Variants in DLGAP4 observed in about 807,000 individuals in gnomAD.
The protein encoded by DLGAP4 is disks large-associated protein 4.
A neutral mutation model predicts 86.9 loss-of-function variants in DLGAP4; 18 were observed. The observed-to-expected ratio is 0.21, with a 90% confidence interval of 0.14 to 0.31. The LOEUF (loss-of-function observed/expected upper bound fraction) is 0.31. DLGAP4 is among the 10% of genes least tolerant of loss of function. The pLI is 1.00. For synonymous variants in DLGAP4, 548 were observed against 574.3 expected, an observed-to-expected ratio of 0.95 and a Z score of 0.65; for missense variants, 1,085 against 1,362.6, an observed-to-expected ratio of 0.80 and a Z score of 3.21.
At chr20:36,476,473 A>G (rs972259156) in intron 7 of DLGAP4, among the ~76,000 whole-genome samples, 4 of 149,634 alleles carry the variant, frequency 2.7e-5, no homozygotes, top group Non-Finnish European at 4.4e-5. Flanking sequence ...GCTTACAGGC[A>G]TCTGCCACCA....
At chr20:36,455,220 TC>T (rs1476816399) in intron 7 of DLGAP4, among the ~76,000 whole-genome samples, 3 of 149,492 alleles carry the variant, frequency 2.0e-5, no homozygotes, top group Admixed American at 2.0e-4. Flanking sequence ...TCCCTCTTTC[TC>T]CCCCCACCAT....
intron 1 of DLGAP4, among the ~76,000 whole-genome samples, chr20:36,358,711 G>A (rs1300601677): frequency 6.6e-6 from 1 of 152,182 alleles, no homozygotes; most frequent in Non-Finnish European, 1.5e-5. Context: ...GGGAGGCTGA[G>A]GCAGGAGAAT....
intron 2 of DLGAP4, among the ~76,000 whole-genome samples, chr20:36,383,983 CAAA>C (rs970619133): frequency 9.2e-5 from 6 of 64,992 alleles, no homozygotes; most frequent in Non-Finnish European, 1.5e-4. Context: ...GACTCCGTCT[CAAA>C]AAAAAAAAAA....
chr20:36,340,176 T>C (rs1569462612), intron 1 of DLGAP4, among the ~76,000 whole-genome samples: 1 of 152,014 alleles, frequency 6.6e-6, no homozygotes, highest in East Asian at 1.9e-4. Flanking sequence ...CAAGTATGAG[T>C]GCGGTAGGAG....
chr20:36,505,402 G>C (rs980508921), intron 10 of DLGAP4, among the ~76,000 whole-genome samples: 3 of 152,078 alleles, frequency 2.0e-5, no homozygotes, highest in African/African-American at 4.8e-5. Flanking sequence ...ATAAACAGTT[G>C]AGGCACTGAG....
At chr20:36,487,793 C>T (rs917585814) in intron 7 of DLGAP4, among the ~76,000 whole-genome samples, 1 of 152,196 alleles carries the variant, frequency 6.6e-6, no homozygotes, top group Non-Finnish European at 1.5e-5. Context: ...ACAAAATTGG[C>T]ATGGGCCCAC....
chr20:36,368,134 G>A (rs767187779), intron 2 of DLGAP4, among the ~76,000 whole-genome samples: 1 of 152,218 alleles, frequency 6.6e-6, no homozygotes, highest in Non-Finnish European at 1.5e-5. Context: ...GTAAATAGCT[G>A]TGGAAGGAAG....
chr20:36,348,345 A>G (rs2030013291), intron 1 of DLGAP4, among the ~76,000 whole-genome samples: 1 of 152,208 alleles, frequency 6.6e-6, no homozygotes, highest in African/African-American at 2.4e-5. Flanking sequence ...ACTCTGAGCT[A>G]TGGCCACCTT....
chr20:36,318,145 C>T (rs1162698204), intron 1 of DLGAP4, among the ~76,000 whole-genome samples: 9 of 148,874 alleles, frequency 6.0e-5, no homozygotes, highest in African/African-American at 2.2e-4. Context: ...CACACACACA[C>T]ACACACACAC....
chr20:36,507,296 C>G (rs926212602), intron 10 of DLGAP4, among the ~76,000 whole-genome samples: 2 of 151,826 alleles, frequency 1.3e-5, no homozygotes, highest in Non-Finnish European at 2.9e-5. Context: ...GGTACAATTT[C>G]GGCTCACCAC....
intron 2 of DLGAP4, among the ~76,000 whole-genome samples, chr20:36,388,528 C>T (rs576204565): frequency 3.5e-4 from 54 of 152,276 alleles, no homozygotes; most frequent in Non-Finnish European, 5.4e-4. Flanking sequence ...TCAATAACCC[C>T]GGTTCCCTCT....
At chr20:36,338,436 G>C (rs2065344192) in intron 1 of DLGAP4, among the ~76,000 whole-genome samples, 1 of 152,334 alleles carries the variant, frequency 6.6e-6, no homozygotes, top group African/African-American at 2.4e-5. Context: ...GCCAGGTGTG[G>C]TGGCGCATGC....
At chr20:36,356,039 C>G (rs1227002289) in intron 1 of DLGAP4, among the ~76,000 whole-genome samples, 1 of 152,230 alleles carries the variant, frequency 6.6e-6, no homozygotes, top group African/African-American at 2.4e-5. Flanking sequence ...CCAGTCCAAT[C>G]AGAGTGACTC....
chr20:36,330,990 C>T (rs1251849550), intron 1 of DLGAP4, among the ~76,000 whole-genome samples: 3 of 152,246 alleles, frequency 2.0e-5, no homozygotes, highest in Admixed American at 6.5e-5. Flanking sequence ...TCATCATCCA[C>T]CATTCCCTTG....
intron 10 of DLGAP4, chr20:36,510,904 A>G (rs1292543183): frequency 6.6e-6 from 1 of 152,196 alleles, no homozygotes; most frequent in Non-Finnish European, 1.5e-5. Context: ...ACGCCTTGGT[A>G]TCTGGTGAGT....
chr20:36,347,506 T>A (rs992213200), intron 1 of DLGAP4, among the ~76,000 whole-genome samples: 1 of 151,974 alleles, frequency 6.6e-6, no homozygotes, highest in Non-Finnish European at 1.5e-5. Flanking sequence ...GCTGGGGTGC[T>A]GTGGAAAATG....
chr20:36,446,017 A>G (rs1043167068), intron 6 of DLGAP4, among the ~76,000 whole-genome samples: 4 of 152,240 alleles, frequency 2.6e-5, no homozygotes, highest in Non-Finnish European at 5.9e-5. Flanking sequence ...AGCAGATAGC[A>G]TACACATCAC....
chr20:36,394,782 G>A (rs2031897796), intron 2 of DLGAP4, among the ~76,000 whole-genome samples: 1 of 152,062 alleles, frequency 6.6e-6, no homozygotes, highest in South Asian at 2.1e-4. Flanking sequence ...CAGGGTTCAG[G>A]GGCCTCTCCC....
chr20:36,512,420 A>G (rs2036761703), intron 10 of DLGAP4, among the ~76,000 whole-genome samples: 1 of 152,076 alleles, frequency 6.6e-6, no homozygotes, highest in Non-Finnish European at 1.5e-5. Context: ...GTGTGGAATA[A>G]TAGGTCCATA....
Sources: allele counts gnomAD v4.1 joint callset (sites outside exome capture counted in the v4.1 genomes callset), GRCh38; gene constraint gnomAD v4.1.1; transcripts MANE v1.5; gene names NCBI Gene and HGNC (gene_info 2026-07-23, HGNC 2026-07-21).